Variants in DPF3 observed in about 807,000 individuals in gnomAD.
The protein encoded by DPF3 is double PHD fingers 3.
A neutral mutation model predicts 56.8 loss-of-function variants in DPF3; 18 were observed. That is an observed-to-expected ratio of 0.32 (90% CI 0.22 to 0.47). DPF3 has a LOEUF of 0.47. Ranked by LOEUF, DPF3 falls within the 20% of genes least tolerant of loss-of-function variation. DPF3 has a pLI of 1.00. For missense variants in DPF3, 403 were observed against 488.8 expected, an observed-to-expected ratio of 0.82 and a Z score of 1.65; for synonymous variants, 188 against 180.2, an observed-to-expected ratio of 1.04 and a Z score of -0.35.
chr14:72,766,264 C>T (rs1891282985), intron 2 of DPF3, among the ~76,000 whole-genome samples: 1 of 152,054 alleles, frequency 6.6e-6, no homozygotes, highest in African/African-American at 2.4e-5. Flanking sequence ...TTTTATATTC[C>T]TCTCACTAAG....
chr14:72,718,771 AT>A (rs766396428), intron 5 of DPF3, among the ~76,000 whole-genome samples: 11 of 93,896 alleles, frequency 1.2e-4, no homozygotes, highest in South Asian at 4.0e-4. Context: ...CACCCTTGCT[AT>A]TTTTTTTTTT....
At chr14:72,690,400 C>T (rs1254705686) in intron 7 of DPF3, among the ~76,000 whole-genome samples, 5 of 152,140 alleles carry the variant, frequency 3.3e-5, no homozygotes, top group African/African-American at 4.8e-5. Flanking sequence ...CACACCTCCC[C>T]GTGCAGCCAC....
At chr14:72,644,831 G>A (rs1252884476) in intron 8 of DPF3, among the ~76,000 whole-genome samples, 1 of 152,220 alleles carries the variant, frequency 6.6e-6, no homozygotes, top group East Asian at 1.9e-4. Flanking sequence ...TTAGGTGTGA[G>A]AGAATTAGGA....
intron 8 of DPF3, among the ~76,000 whole-genome samples, chr14:72,641,743 C>T (rs1280320518): frequency 6.6e-6 from 1 of 152,238 alleles, no homozygotes; most frequent in Non-Finnish European, 1.5e-5. Context: ...TTCCTTGGTC[C>T]TCCTCTTTTC....
chr14:72,808,983 T>C (rs1162849985), intron 1 of DPF3, among the ~76,000 whole-genome samples: 2 of 152,236 alleles, frequency 1.3e-5, no homozygotes, highest in Non-Finnish European at 2.9e-5. Context: ...CAAGATTAAC[T>C]TGGCAGTGCC....
intron 6 of DPF3, among the ~76,000 whole-genome samples, chr14:72,701,955 C>A (rs1165628875): frequency 6.6e-6 from 1 of 152,180 alleles, no homozygotes; most frequent in Non-Finnish European, 1.5e-5. Context: ...GCCGATGCCT[C>A]CAAGGCATCA....
intron 1 of DPF3, among the ~76,000 whole-genome samples, chr14:72,817,691 C>T (rs944735034): frequency 5.9e-5 from 9 of 151,638 alleles, no homozygotes; most frequent in South Asian, 2.1e-4. Context: ...ACAAAAACCA[C>T]ACACACACAA....
At chr14:72,648,973 C>T (rs1367233696) in intron 8 of DPF3, among the ~76,000 whole-genome samples, 1 of 152,136 alleles carries the variant, frequency 6.6e-6, no homozygotes, top group Non-Finnish European at 1.5e-5. Flanking sequence ...CTCCCCTCTC[C>T]ACACACTCGC....
intron 2 of DPF3, among the ~76,000 whole-genome samples, chr14:72,761,695 A>G (rs1357239979): frequency 1.3e-5 from 2 of 151,896 alleles, no homozygotes; most frequent in Non-Finnish European, 2.9e-5. Flanking sequence ...AAGAAATAAG[A>G]AACAGAAGAG....
intron 8 of DPF3, among the ~76,000 whole-genome samples, chr14:72,655,195 T>A (rs995622303): frequency 6.6e-6 from 1 of 152,174 alleles, no homozygotes; most frequent in African/African-American, 2.4e-5. Flanking sequence ...CAGAGCAAAA[T>A]TTTTCTGGAG....
At chr14:72,642,163 C>T (rs558171851) in intron 8 of DPF3, among the ~76,000 whole-genome samples, 2 of 152,356 alleles carry the variant, frequency 1.3e-5, no homozygotes, top group African/African-American at 4.8e-5. Context: ...TGGACTGCAG[C>T]CTCATGGGAC....
chr14:72,728,071 G>A (rs1889480213), intron 4 of DPF3, among the ~76,000 whole-genome samples: 1 of 152,164 alleles, frequency 6.6e-6, no homozygotes, highest in Non-Finnish European at 1.5e-5. Context: ...TAAAGGGAAA[G>A]GGACCCACAT....
At chr14:72,674,479 A>T in intron 7 of DPF3, 111 bp from the exon 8 acceptor site, 6 of 1,447,400 alleles carry the variant, frequency 4.1e-6, no homozygotes, top group Non-Finnish European at 5.5e-6. Flanking sequence ...CTGAGGTTTT[A>T]TTATAACCAA....
chr14:72,832,820 A>G (rs910932598), intron 1 of DPF3, among the ~76,000 whole-genome samples: 2 of 152,158 alleles, frequency 1.3e-5, no homozygotes, highest in Admixed American at 6.5e-5. Context: ...AGCCCTGAAA[A>G]TCTATCCTGG....
chr14:72,723,516 C>A, intron 5 of DPF3, 117 bp downstream of exon 5: 2 of 884,488 alleles, frequency 2.3e-6, no homozygotes, highest in East Asian at 2.8e-5. Flanking sequence ...CTCCTTTGAG[C>A]GTTCTCCATG....
At chr14:72,794,951 G>A (rs528370974) in intron 1 of DPF3, among the ~76,000 whole-genome samples, 3 of 152,068 alleles carry the variant, frequency 2.0e-5, no homozygotes, top group African/African-American at 7.2e-5. Context: ...CTCCAGCTCT[G>A]ACTCTGACCG....
At chr14:72,712,867 C>T (rs975758382) in intron 6 of DPF3, among the ~76,000 whole-genome samples, 4 of 152,158 alleles carry the variant, frequency 2.6e-5, no homozygotes, top group East Asian at 1.9e-4. Context: ...AACGCAAGAG[C>T]GTCTCTTAAA....
At chr14:72,638,817 A>T (rs1270284330) in intron 8 of DPF3, among the ~76,000 whole-genome samples, 6 of 120,926 alleles carry the variant, frequency 5.0e-5, no homozygotes, top group Non-Finnish European at 1.0e-4. Flanking sequence ...ACTTTGTTTT[A>T]CATTTTTTTT....
At chr14:72,876,273 G>A (rs1012336378) in intron 1 of DPF3, among the ~76,000 whole-genome samples, 4 of 152,172 alleles carry the variant, frequency 2.6e-5, no homozygotes. Flanking sequence ...CCCTCTGGGT[G>A]GTCCCCTGGA....
Sources: gnomAD v4.1 joint callset for allele counts (sites outside exome capture counted in the v4.1 genomes callset) on GRCh38, gnomAD v4.1.1 for gene constraint, MANE v1.5 for transcripts, NCBI Gene and HGNC (gene_info 2026-07-23, HGNC 2026-07-21) for gene names.